The following VTA1 variants were observed in gnomAD, a reference collection of about 807,000 sequenced individuals.
The protein encoded by VTA1 is vacuolar protein sorting-associated protein VTA1 homolog.
A neutral mutation model predicts 36.9 loss-of-function variants in VTA1; 24 were observed. The ratio of observed to expected loss-of-function variants is 0.65; its 90% CI spans 0.47 to 0.91. VTA1 has a LOEUF of 0.91. Ranked by LOEUF, VTA1 falls within the 40% of genes least tolerant of loss-of-function variation. VTA1 has a pLI of 0.00. For missense variants in VTA1, 393 were observed against 377.2 expected, an observed-to-expected ratio of 1.04 and a Z score of -0.35; for synonymous variants, 142 against 130.2, an observed-to-expected ratio of 1.09 and a Z score of -0.62.
In VTA1 at chr6:142,169,540, T is replaced by A; in HGVS notation, c.208-10T>A. The A allele has an allele frequency of 6.2e-7, 1 of 1,606,454 alleles. No individual in the cohort carries two copies. The highest frequency in any genetic ancestry group is 8.5e-7 in the Non-Finnish European group (1 of 1,178,354). On this transcript the variant is annotated splice_polypyrimidine_tract_variant and intron_variant, in intron 2 of 7. Coordinates refer to ENST00000367630, the MANE Select transcript of VTA1 (RefSeq NM_016485.5). ...CAAAATCATAAGCTATGTATCTGAT[T>A]TTATTTTAGCTAAAGAAGCAGTTGG...
intron 6 of VTA1, among the ~76,000 whole-genome samples, chr6:142,202,758 G>A (rs943374967): frequency 6.6e-6 from 1 of 151,878 alleles, no homozygotes; most frequent in Non-Finnish European, 1.5e-5. Flanking sequence ...ACTGGTACTA[G>A]CCCTAAACTT....
chr6:142,159,371 A>G (rs984818302), intron 1 of VTA1, among the ~76,000 whole-genome samples: 2 of 152,104 alleles, frequency 1.3e-5, no homozygotes, highest in Admixed American at 6.5e-5. Context: ...CTCAAAAATT[A>G]TATAAACTAC....
intron 1 of VTA1, among the ~76,000 whole-genome samples, chr6:142,160,951 A>G (rs1473104572): frequency 1.3e-5 from 2 of 152,160 alleles, no homozygotes; most frequent in African/African-American, 2.4e-5. Context: ...ATCATTTAAT[A>G]GGAAGTCAGG....
At chr6:142,203,084 GA>G (rs1337619952) in intron 6 of VTA1, among the ~76,000 whole-genome samples, 2 of 151,902 alleles carry the variant, frequency 1.3e-5, no homozygotes, top group African/African-American at 4.8e-5. Flanking sequence ...TAGACCTTTA[GA>G]AAATTTTAGA....
In VTA1 at chr6:142,150,900, G is replaced by A. The variant is rs548970002; in HGVS notation, c.112+3501G>A. ...GCACTCCAGCCTGGGCAGCAAGAGC[G>A]AAACTCCATCTCCAAAAAAAAAAAA... On this transcript the variant is annotated intron_variant, in intron 1 of 7. Transcript: ENST00000367630. Among the ~76,000 whole-genome samples, 9 of 144,484 alleles carry A rather than the reference G, an allele frequency of 6.2e-5. No individual in the cohort carries two copies. In the South Asian group the frequency reaches 8.7e-4, roughly 14 times the overall value. The allele number at this position is 144,484 out of a possible 152,430, so 94.8% of individuals were successfully genotyped here.
Position 142,147,317 on chromosome 6 carries a change from C to A in VTA1, c.30C>A (p.Leu10=). MAALAPLPP[L]PAQFKSIQHH... is the part of the protein sequence containing the mutation. ...CCGCGCTTGCACCGCTGCCCCCGCTCCCCGCACAGTTCAAGAGCATACAGC... is the reference window on the plus strand; with the variant it reads ...CCGCGCTTGCACCGCTGCCCCCGCTACCCGCACAGTTCAAGAGCATACAGC... Residue 10 remains leucine, a synonymous_variant, in exon 1 of 8, where the codon CTC becomes CTA. Coordinates refer to ENST00000367630, the MANE Select transcript of VTA1 (RefSeq NM_016485.5). 1.2e-6 allele frequency: 2 copies of A among 1,614,216 alleles called. No individual in the cohort carries two copies. The highest frequency in any genetic ancestry group is 1.1e-5 in the South Asian group (1 of 91,088).
At chr6:142,199,930 G>A (rs1265018137) in intron 6 of VTA1, among the ~76,000 whole-genome samples, 2 of 152,048 alleles carry the variant, frequency 1.3e-5, no homozygotes, top group African/African-American at 4.8e-5. Flanking sequence ...TTTCCAGTGT[G>A]GAATAATGTA....
At chr6:142,172,497 T>G (rs1322823716) in intron 4 of VTA1, among the ~76,000 whole-genome samples, 1 of 152,176 alleles carries the variant, frequency 6.6e-6, no homozygotes, top group Non-Finnish European at 1.5e-5. Context: ...TCTCAGATAT[T>G]TTATACTCTT....
chr6:142,183,291 A>C (rs552089448), intron 4 of VTA1, among the ~76,000 whole-genome samples: 30 of 152,272 alleles, frequency 2.0e-4, no homozygotes, highest in African/African-American at 6.7e-4. Context: ...AGCTGGTGTA[A>C]AACTTTGTCT....
chr6:142,209,640 C>A (rs913635341), intron 7 of VTA1, among the ~76,000 whole-genome samples: 1 of 149,570 alleles, frequency 6.7e-6, no homozygotes, highest in African/African-American at 2.5e-5. Context: ...AAAAAAAATA[C>A]CTGGGAACCG....
At chr6:142,170,217 A>G in intron 3 of VTA1, 129 bp from the exon 4 acceptor site, 1 of 665,066 alleles carries the variant, frequency 1.5e-6, no homozygotes, top group Non-Finnish European at 2.5e-6. Flanking sequence ...TTGAAATCTA[A>G]TTTTATTTAA....
At chr6:142,152,416 G>A (rs1778584748) in intron 1 of VTA1, among the ~76,000 whole-genome samples, 1 of 152,010 alleles carries the variant, frequency 6.6e-6, no homozygotes, top group African/African-American at 2.4e-5. Context: ...AGAATTTGGT[G>A]ATTTTGCTGT....
At chr6:142,201,608 T>C (rs1201997112) in intron 6 of VTA1, among the ~76,000 whole-genome samples, 1 of 151,964 alleles carries the variant, frequency 6.6e-6, no homozygotes, top group African/African-American at 2.4e-5. Flanking sequence ...TTAAATAATA[T>C]AATTATTTTA....
chr6:142,189,319 C>G, intron 4 of VTA1, 107 bp from the exon 5 acceptor site: 1 of 869,436 alleles, frequency 1.2e-6, no homozygotes, highest in Non-Finnish European at 1.8e-6. Flanking sequence ...GAGCTGTAAT[C>G]TGCAAAAATA....
intron 1 of VTA1, among the ~76,000 whole-genome samples, chr6:142,155,325 A>C (rs138916025): frequency 5.9e-5 from 9 of 152,268 alleles, no homozygotes; most frequent in African/African-American, 1.9e-4. Context: ...TTCAGGAAAT[A>C]ACTATACATT....
chr6:142,147,417 G>T lies in VTA1; in HGVS notation c.112+18G>T. The T allele has an allele frequency of 6.2e-7, 1 of 1,610,216 alleles. No homozygotes were observed. The highest frequency in any genetic ancestry group is 2.2e-5 in the East Asian group (1 of 44,704). Reference sequence around the variant, plus strand: ...TTATTACTGTGAGTCTTTCCGAGTGGCCGCGCCCTTTCTTTCCCAGTTGCA... The same window carrying T: ...TTATTACTGTGAGTCTTTCCGAGTGTCCGCGCCCTTTCTTTCCCAGTTGCA... On this transcript the variant is annotated intron_variant, in intron 1 of 7. Coordinates refer to ENST00000367630, the MANE Select transcript of VTA1 (RefSeq NM_016485.5).
At chr6:142,196,325 T>C (rs1374220035) in intron 5 of VTA1, among the ~76,000 whole-genome samples, 1 of 152,216 alleles carries the variant, frequency 6.6e-6, no homozygotes, top group Non-Finnish European at 1.5e-5. Flanking sequence ...TTGTCTGTTA[T>C]TAAAATTAGT....
intron 5 of VTA1, among the ~76,000 whole-genome samples, chr6:142,197,721 G>A (rs945944625): frequency 6.6e-6 from 1 of 152,050 alleles, no homozygotes; most frequent in Admixed American, 6.6e-5. Context: ...TAGCATAAAT[G>A]TGGCATGTTT....
chr6:142,213,929 G>C (rs1043233762), intron 7 of VTA1, among the ~76,000 whole-genome samples: 1 of 152,192 alleles, frequency 6.6e-6, no homozygotes, highest in Non-Finnish European at 1.5e-5. Flanking sequence ...TGTCTTGGCT[G>C]TGAACATTCA....
Sources: gnomAD v4.1 joint callset for allele counts (sites outside exome capture counted in the v4.1 genomes callset) on GRCh38, gnomAD v4.1.1 for gene constraint, MANE v1.5 for transcripts, NCBI Gene and HGNC (gene_info 2026-07-23, HGNC 2026-07-21) for gene names.